Variants in NUP85 observed in about 807,000 individuals in gnomAD.
NUP85 encodes the protein nuclear pore complex protein Nup85.
Under a neutral mutation model 92.8 loss-of-function variants are expected in NUP85, and 23 were observed. That is an observed-to-expected ratio of 0.25 (90% CI 0.18 to 0.35). The LOEUF (loss-of-function observed/expected upper bound fraction) is 0.35, where lower values mean the gene tolerates loss of function less well. Among genes scored for constraint, NUP85 ranks in the 10% least tolerant of loss-of-function variants. NUP85 has a pLI of 1.00. For missense variants in NUP85, 759 were observed against 822.8 expected, an observed-to-expected ratio of 0.92 and a Z score of 0.95; for synonymous variants, 314 against 306.9, an observed-to-expected ratio of 1.02 and a Z score of -0.24.
At chr17:75,211,460 T>C (rs2075258297) in intron 3 of NUP85, among the ~76,000 whole-genome samples, 1 of 147,868 alleles carries the variant, frequency 6.8e-6, no homozygotes, top group African/African-American at 2.5e-5. Context: ...GGAGTCTCAC[T>C]CTGTCGCCCA....
chr17:75,222,410 T>C (rs1004601323), intron 7 of NUP85, among the ~76,000 whole-genome samples: 3 of 151,930 alleles, frequency 2.0e-5, no homozygotes, highest in Middle Eastern at 3.2e-3. Flanking sequence ...CACTTGGATA[T>C]ACAAAGCTGG....
intron 14 of NUP85, chr17:75,232,182 A>C (rs1360835393): frequency 5.2e-6 from 3 of 580,990 alleles, no homozygotes; most frequent in Admixed American, 6.2e-5. Flanking sequence ...TGGAACCCAG[A>C]CAAAATCTAC....
intron 7 of NUP85, among the ~76,000 whole-genome samples, chr17:75,219,178 A>G (rs944042047): frequency 6.6e-6 from 1 of 151,984 alleles, no homozygotes; most frequent in Non-Finnish European, 1.5e-5. Context: ...TGTGAGGACA[A>G]AAAAAAAGAA....
chr17:75,223,984 T>C (rs2075678861), intron 7 of NUP85, among the ~76,000 whole-genome samples: 1 of 152,162 alleles, frequency 6.6e-6, no homozygotes, highest in Non-Finnish European at 1.5e-5. Context: ...CCCAGCTTGG[T>C]TCTTCTCCAG....
At chr17:75,232,537 C>G (rs1254491431) in intron 14 of NUP85, among the ~76,000 whole-genome samples, 6 of 152,056 alleles carry the variant, frequency 3.9e-5, no homozygotes, top group Admixed American at 1.3e-4. Context: ...AATAGAAGAG[C>G]TGACACGTAG....
Position 75,212,262 on chromosome 17 carries a change from T to G in NUP85, c.361+200T>G, listed in dbSNP as rs1375732102. ...TTTTGTTGTTGTTTTTTTTTTTTTTTTTTTTTTTTTTTTTTTTTTTTTTTG... is the reference window on the plus strand; with the variant it reads ...TTTTGTTGTTGTTTTTTTTTTTTTTGTTTTTTTTTTTTTTTTTTTTTTTTG... On this transcript the variant is annotated intron_variant, in intron 4 of 18. Coordinates refer to ENST00000245544, the MANE Select transcript of NUP85 (RefSeq NM_024844.5). Among the ~76,000 whole-genome samples the G allele has an allele frequency of 2.5e-3, 20 of 7,886 alleles. 1 individual carries two copies. Among genetic ancestry groups the G allele is most frequent in the Admixed American group, 0.019 (12 of 620 alleles). 5.2% of individuals were successfully genotyped at this position (7,886 alleles called of 152,430 possible). A position where few individuals can be genotyped will look rare whatever the true frequency, so the allele number is the denominator to read the frequency against.
At chr17:75,211,097 G>C (rs575781575) in intron 3 of NUP85, among the ~76,000 whole-genome samples, 7 of 150,784 alleles carry the variant, frequency 4.6e-5, no homozygotes, top group Admixed American at 2.0e-4. Flanking sequence ...CTGCCTCCTG[G>C]GTTGAAGCCA....
chr17:75,206,626 C>A (rs1048499614), intron 1 of NUP85, among the ~76,000 whole-genome samples: 1 of 152,006 alleles, frequency 6.6e-6, no homozygotes, highest in African/African-American at 2.4e-5. Flanking sequence ...CTGCATTTTA[C>A]CTGTGAAAAG....
At chr17:75,228,525 T>C (rs2075911784) in intron 11 of NUP85, 1 of 985,296 alleles carries the variant, frequency 1.0e-6, no homozygotes, top group South Asian at 4.7e-5. Context: ...GTAGCAGTTT[T>C]AGGAAGTGTG....
intron 16 of NUP85, 32 bp from the exon 17 acceptor site, chr17:75,234,605 G>T: frequency 6.2e-7 from 1 of 1,610,414 alleles, no homozygotes; most frequent in Non-Finnish European, 8.5e-7. Context: ...GGGGGAATAT[G>T]CAGGTTACTC....
At chr17:75,233,189 T>A in intron 16 of NUP85, 31 bp downstream of exon 16, 1 of 1,566,858 alleles carries the variant, frequency 6.4e-7, no homozygotes, top group Non-Finnish European at 8.8e-7. Flanking sequence ...CCCTGTGCTT[T>A]GGGCACAAGT....
At position 75,226,073 on chromosome 17, in the gene NUP85, G is replaced by A; in HGVS notation, c.1010G>A (p.Gly337Glu). The change falls in exon 11 of 19, where the codon GGA (glycine) becomes GAA (glutamate). Residue 337 changes from glycine to glutamate, a missense_variant. Transcript: ENST00000245544. ...YAQSSLDLFL[G>E]GESSPEPLDN... is the part of the protein sequence containing the mutation. ...CAGTCCAGCCTGGACCTGTTTCTGG[G>A]AGGTGAGAGCAGCCCAGAACCCCTG... The A allele has an allele frequency of 6.2e-7, 1 of 1,614,122 alleles. No homozygotes were observed. Among genetic ancestry groups the A allele is most frequent in the Non-Finnish European group, 8.5e-7 (1 of 1,180,020 alleles).
chr17:75,206,051 T>C (rs890294338), intron 1 of NUP85, among the ~76,000 whole-genome samples: 1 of 152,120 alleles, frequency 6.6e-6, no homozygotes, highest in African/African-American at 2.4e-5. Context: ...TTTGTGTTCC[T>C]GGCCTTTTTA....
intron 7 of NUP85, among the ~76,000 whole-genome samples, chr17:75,224,647 TA>T (rs2075710872): frequency 6.6e-6 from 1 of 151,800 alleles, no homozygotes; most frequent in Non-Finnish European, 1.5e-5. Flanking sequence ...GCCTGGCCAA[TA>T]TGGTGAAACC....
At chr17:75,207,247 G>A (rs2075113435) in intron 1 of NUP85, among the ~76,000 whole-genome samples, 1 of 151,322 alleles carries the variant, frequency 6.6e-6, no homozygotes, top group Admixed American at 6.6e-5. Flanking sequence ...GCAGTGGTGC[G>A]GTCTCGGCTC....
At chr17:75,232,047 T>G in intron 14 of NUP85, 68 bp downstream of exon 14, 1 of 1,556,184 alleles carries the variant, frequency 6.4e-7, no homozygotes, top group Non-Finnish European at 8.8e-7. Context: ...GAGGTCACAC[T>G]TTATGCCTAC....
At chr17:75,224,642 G>C (rs965467539) in intron 7 of NUP85, among the ~76,000 whole-genome samples, 2 of 152,034 alleles carry the variant, frequency 1.3e-5, no homozygotes, top group Non-Finnish European at 2.9e-5. Flanking sequence ...GACCAGCCTG[G>C]CCAATATGGT....
chr17:75,220,675 C>A (rs959304597), intron 7 of NUP85, among the ~76,000 whole-genome samples: 1 of 151,550 alleles, frequency 6.6e-6, no homozygotes, highest in African/African-American at 2.4e-5. Context: ...GCAACCTCTG[C>A]CTCCCTGGTT....
At chr17:75,221,687 C>G (rs964884837) in intron 7 of NUP85, among the ~76,000 whole-genome samples, 1 of 152,182 alleles carries the variant, frequency 6.6e-6, no homozygotes, top group African/African-American at 2.4e-5. Flanking sequence ...ACGGTTGATG[C>G]ACAGTAAAAG....
Sources: allele counts gnomAD v4.1 joint callset (sites outside exome capture counted in the v4.1 genomes callset), GRCh38; gene constraint gnomAD v4.1.1; transcripts MANE v1.5; gene names NCBI Gene and HGNC (gene_info 2026-07-23, HGNC 2026-07-21).